The following CDH9 variants were observed in gnomAD, a reference collection of about 807,000 sequenced individuals.
CDH9 encodes cadherin-9.
Under a neutral mutation model 70.9 loss-of-function variants are expected in CDH9, and 28 were observed. That is an observed-to-expected ratio of 0.40 (90% CI 0.29 to 0.54). CDH9 has a LOEUF of 0.54. CDH9 is among the 20% of genes least tolerant of loss of function. The pLI is 0.59. For synonymous variants in CDH9, 409 were observed against 343.1 expected (o/e 1.19, Z -2.12); for missense variants, 874 against 984.4 (o/e 0.89, Z 1.50).
At chr5:26,921,668 G>C (rs935551123) in intron 2 of CDH9, among the ~76,000 whole-genome samples, 2 of 152,140 alleles carry the variant, frequency 1.3e-5, no homozygotes, top group African/African-American at 4.8e-5. Flanking sequence ...CCTCATCTTT[G>C]AGTGTACTGT....
At chr5:26,939,792 A>G (rs2112033953) in intron 2 of CDH9, among the ~76,000 whole-genome samples, 1 of 152,310 alleles carries the variant, frequency 6.6e-6, no homozygotes, top group Admixed American at 6.5e-5. Flanking sequence ...AGAATTGTTT[A>G]GGCATGCATG....
At chr5:27,032,990 A>G (rs1016231319) in intron 1 of CDH9, among the ~76,000 whole-genome samples, 2 of 151,198 alleles carry the variant, frequency 1.3e-5, no homozygotes, top group Non-Finnish European at 3.0e-5. Context: ...TTTCTCATCC[A>G]CTGTAAATGT....
At chr5:26,883,041 T>TATA (rs1740493751) in intron 11 of CDH9, among the ~76,000 whole-genome samples, 7 of 58,038 alleles carry the variant, frequency 1.2e-4, no homozygotes, top group African/African-American at 3.3e-4. Context: ...CAGGATCATC[T>TATA]TATATATATA....
intron 2 of CDH9, among the ~76,000 whole-genome samples, chr5:26,926,191 C>T (rs995526513): frequency 6.6e-6 from 1 of 152,116 alleles, no homozygotes; most frequent in Non-Finnish European, 1.5e-5. Context: ...ATCTAGAAAA[C>T]CCCATCGTCT....
In CDH9 at chr5:26,906,807, A is replaced by T; in HGVS notation, c.555T>A (p.Asp185Glu). 1 of 1,613,212 alleles carries T rather than the reference A, an allele frequency of 6.2e-7. No homozygotes were observed. Among genetic ancestry groups the T allele is most frequent in the Non-Finnish European group, 8.5e-7 (1 of 1,179,476 alleles). Residue 185 changes from aspartate to glutamate, a missense_variant, in exon 4 of 12, where the codon GAT becomes GAA. Asp to Glu is a conservative substitution (Grantham distance 45). Transcript: ENST00000231021. ...GTSVIQVTAT[D>E]ADDANYGNSA... The stretch of plus-strand genomic sequence containing the variant: ...TATTTCCATAGTTGGCGTCATCTGC[A>T]TCTGTTGCAGTTACTTGTATAACAG...
chr5:26,936,050 A>G (rs1741553081), intron 2 of CDH9, among the ~76,000 whole-genome samples: 1 of 152,072 alleles, frequency 6.6e-6, no homozygotes, highest in Admixed American at 6.6e-5. Context: ...CTAAGCTATA[A>G]GGATGTGAAG....
intron 1 of CDH9, among the ~76,000 whole-genome samples, chr5:27,034,857 A>T (rs780229554): frequency 2.0e-5 from 3 of 151,698 alleles, no homozygotes; most frequent in Non-Finnish European, 4.4e-5. Flanking sequence ...AATGTAGAAG[A>T]GTGCTATAAA....
At chr5:26,990,914 G>A (rs1561031592) in intron 1 of CDH9, among the ~76,000 whole-genome samples, 1 of 152,180 alleles carries the variant, frequency 6.6e-6, no homozygotes, top group Non-Finnish European at 1.5e-5. Context: ...TGGAACATAG[G>A]CCTTTGAGCG....
At chr5:26,937,714 A>G (rs1741584744) in intron 2 of CDH9, among the ~76,000 whole-genome samples, 2 of 152,150 alleles carry the variant, frequency 1.3e-5, no homozygotes, top group South Asian at 2.1e-4. Flanking sequence ...CAAAGAAGCT[A>G]GTCTGAAAAA....
intron 2 of CDH9, among the ~76,000 whole-genome samples, chr5:26,938,886 C>A (rs1280276098): frequency 6.6e-6 from 1 of 151,898 alleles, no homozygotes; most frequent in Non-Finnish European, 1.5e-5. Context: ...ATATAAAGTT[C>A]AAGAACAGAA....
intron 9 of CDH9, 115 bp from the exon 10 acceptor site, chr5:26,886,198 A>G (rs1740563912): frequency 3.3e-6 from 4 of 1,223,462 alleles, no homozygotes; most frequent in Non-Finnish European, 4.4e-6. Context: ...ACAAAGCAAG[A>G]AAACAAAATA....
chr5:26,937,545 T>C (rs190688883), intron 2 of CDH9, among the ~76,000 whole-genome samples: 123 of 152,266 alleles, frequency 8.1e-4, no homozygotes, highest in Non-Finnish European at 1.3e-3. Context: ...TGAATATGTA[T>C]AGCAACTTTA....
At chr5:26,905,702 A>C (rs1740933383) in intron 5 of CDH9, among the ~76,000 whole-genome samples, 1 of 152,134 alleles carries the variant, frequency 6.6e-6, no homozygotes, top group Non-Finnish European at 1.5e-5. Flanking sequence ...AAAGTTAGAG[A>C]AGTTAATTTA....
chr5:26,911,245 T>A (rs1741048097), intron 3 of CDH9, among the ~76,000 whole-genome samples: 1 of 152,120 alleles, frequency 6.6e-6, no homozygotes, highest in African/African-American at 2.4e-5. Flanking sequence ...ACATAGAAGT[T>A]GCTAATGACC....
intron 2 of CDH9, among the ~76,000 whole-genome samples, chr5:26,971,346 T>A (rs1001364235): frequency 2.6e-5 from 4 of 152,120 alleles, no homozygotes; most frequent in Non-Finnish European, 2.9e-5. Flanking sequence ...CAAGAGGCAA[T>A]TTTTACACTC....
chr5:26,988,296 G>A lies in CDH9; in HGVS notation c.38C>T (p.Thr13Ile). ...GGTGTCAACTGTATGGAACATATAG[G>A]TCCAGATGAATAATGGTATATAATG... ...TYHYIPLFIWTYMFHTVDTIL... is the reference protein window; with the variant it reads ...TYHYIPLFIWIYMFHTVDTIL... The change falls in exon 2 of 12, where the codon ACC becomes ATC. Residue 13 changes from threonine to isoleucine, a missense_variant. Transcript: ENST00000231021. 6.2e-7 allele frequency: 1 copy of A among 1,613,090 alleles called. No individual in the cohort carries two copies. The highest frequency in any genetic ancestry group is 8.5e-7 in the Non-Finnish European group (1 of 1,179,370).
intron 2 of CDH9, among the ~76,000 whole-genome samples, chr5:26,917,752 C>T (rs1014928579): frequency 1.3e-5 from 2 of 152,032 alleles, no homozygotes; most frequent in Admixed American, 1.3e-4. Context: ...CCAGAGCAAT[C>T]TTCTAATCAT....
chr5:26,972,503 AC>A (rs896837979), intron 2 of CDH9, among the ~76,000 whole-genome samples: 2 of 151,738 alleles, frequency 1.3e-5, no homozygotes, highest in Non-Finnish European at 2.9e-5. Context: ...GCCCTGTGGA[AC>A]CCCCCCACAA....
chr5:27,001,527 C>A (rs994916355), intron 1 of CDH9, among the ~76,000 whole-genome samples: 12 of 151,764 alleles, frequency 7.9e-5, no homozygotes, highest in African/African-American at 2.7e-4. Context: ...CTGAAGACAC[C>A]AATGTAAAAT....
Sources: gnomAD v4.1 joint callset for allele counts (sites outside exome capture counted in the v4.1 genomes callset) on GRCh38, gnomAD v4.1.1 for gene constraint, MANE v1.5 for transcripts, NCBI Gene and HGNC (gene_info 2026-07-23, HGNC 2026-07-21) for gene names.